The following DCX variants were observed in gnomAD, a reference collection of about 807,000 sequenced individuals.
DCX encodes doublecortin.
In DCX, 4 loss-of-function variants were observed where a neutral mutation model predicts 20.9. The observed-to-expected ratio is 0.19, with a 90% confidence interval of 0.09 to 0.44. DCX has a LOEUF of 0.44. DCX is among the 20% of genes least tolerant of loss of function. The pLI, the probability that DCX is intolerant of heterozygous loss-of-function variation, is 0.99. For synonymous variants in DCX, 103 were observed against 111.4 expected (o/e 0.92, Z 0.47); for missense variants, 133 against 296.9 (o/e 0.45, Z 4.06).
intron 6 of DCX, among the ~76,000 whole-genome samples, chrX:111,310,110 A>T (rs1297429910): frequency 1.8e-5 from 2 of 112,364 alleles, no homozygotes; most frequent in African/African-American, 6.5e-5. Context: ...AGGCAGGCGG[A>T]TCACGAGGTC....
intron 3 of DCX, among the ~76,000 whole-genome samples, chrX:111,371,993 T>C (rs1332666304): frequency 4.5e-5 from 5 of 110,324 alleles, no homozygotes; most frequent in African/African-American, 1.6e-4. Flanking sequence ...GTCTAATCTA[T>C]TCAGTTATAG....
At chrX:111,345,085 C>A (rs1390543133) in intron 3 of DCX, among the ~76,000 whole-genome samples, 6 of 111,511 alleles carry the variant, frequency 5.4e-5, no homozygotes, top group Non-Finnish European at 9.4e-5. Context: ...AGACATAATA[C>A]CACACATCTA....
intron 5 of DCX, among the ~76,000 whole-genome samples, chrX:111,319,323 A>G (rs1477369051): frequency 9.0e-6 from 1 of 111,509 alleles, no homozygotes; most frequent in Admixed American, 9.5e-5. Flanking sequence ...AGGGATGATG[A>G]TGGTTCACTA....
intron 3 of DCX, among the ~76,000 whole-genome samples, chrX:111,354,304 C>T (rs1923560155): frequency 9.0e-6 from 1 of 111,548 alleles, no homozygotes; most frequent in Non-Finnish European, 1.9e-5. Context: ...TTGAATCACC[C>T]TTTGTATGTA....
chrX:111,342,094 G>A (rs1478729806), intron 3 of DCX, among the ~76,000 whole-genome samples: 1 of 103,391 alleles, frequency 9.7e-6, no homozygotes, highest in Non-Finnish European at 2.0e-5. Flanking sequence ...TGGATAAAGA[G>A]TCAAGACCTA....
intron 5 of DCX, among the ~76,000 whole-genome samples, chrX:111,326,511 C>T (rs939042823): frequency 8.9e-6 from 1 of 111,834 alleles, no homozygotes; most frequent in Non-Finnish European, 1.9e-5. Flanking sequence ...TGTGGCACTG[C>T]ATAAGCTTTT....
chrX:111,405,455 A>G (rs1445751963), intron 2 of DCX, among the ~76,000 whole-genome samples: 1 of 111,845 alleles, frequency 8.9e-6, no homozygotes, highest in Non-Finnish European at 1.9e-5. Flanking sequence ...CTATGGTAAA[A>G]GAACTGGATC....
At position 111,407,381 on chromosome X, in the gene DCX, T is replaced by C. The variant is rs1303185064; in HGVS notation, c.364+2654A>G. ...CATTCCCAGATGGGCAGTTCTAAAA[T>C]ATAAAATAGGAGAGAAAAAGACACA... On this transcript the variant is annotated intron_variant, in intron 2 of 6. Coordinates refer to ENST00000636035, the MANE Select transcript of DCX (RefSeq NM_001195553.2). Among the ~76,000 whole-genome samples, 4 of 111,975 alleles carry C rather than the reference T, an allele frequency of 3.6e-5. No individual in the cohort carries two copies. The East Asian group carries it at 1.1e-3, about 31-fold the overall frequency.
chrX:111,325,784 A>G (rs1354951788), intron 5 of DCX, among the ~76,000 whole-genome samples: 2 of 112,522 alleles, frequency 1.8e-5, no homozygotes, highest in African/African-American at 3.2e-5. Context: ...TCTTGAATGT[A>G]TCATTATATG....
chrX:111,404,856 AGCT>A (rs2147268060), intron 2 of DCX, among the ~76,000 whole-genome samples: 1 of 112,615 alleles, frequency 8.9e-6, no homozygotes, highest in South Asian at 3.7e-4. Context: ...CTGCTGCCAG[AGCT>A]CAGTGCCTCC....
At chrX:111,340,918 T>C (rs1922167999) in intron 3 of DCX, among the ~76,000 whole-genome samples, 1 of 110,982 alleles carries the variant, frequency 9.0e-6, no homozygotes, top group Non-Finnish European at 1.9e-5. Flanking sequence ...GACAAACTCA[T>C]GAAGATGAGA....
intron 5 of DCX, among the ~76,000 whole-genome samples, chrX:111,317,087 A>G (rs1178466799): frequency 8.9e-6 from 1 of 112,384 alleles, no homozygotes; most frequent in East Asian, 2.8e-4. Flanking sequence ...TAAAATTCAT[A>G]TGGAACCAAA....
At chrX:111,351,392 G>A (rs781533704) in intron 3 of DCX, among the ~76,000 whole-genome samples, 1 of 111,755 alleles carries the variant, frequency 8.9e-6, no homozygotes, top group East Asian at 2.8e-4. Context: ...ACAAGCTCAA[G>A]GTAAACAATA....
At chrX:111,407,879 G>T (rs1928335914) in intron 2 of DCX, among the ~76,000 whole-genome samples, 1 of 109,372 alleles carries the variant, frequency 9.1e-6, no homozygotes, top group Non-Finnish European at 1.9e-5. Context: ...ATGGATTTTG[G>T]GGAAATTTTG....
At chrX:111,370,195 C>T (rs771549784) in intron 3 of DCX, among the ~76,000 whole-genome samples, 8 of 111,749 alleles carry the variant, frequency 7.2e-5, no homozygotes, top group African/African-American at 1.6e-4. Flanking sequence ...ACAAGAAACA[C>T]ATTAATATAT....
At position 111,298,294 on chromosome X, in the gene DCX, T is replaced by C. The variant is rs964758123; in HGVS notation, c.*3393A>G. On this transcript the variant is annotated 3_prime_UTR_variant, in exon 7 of 7. Transcript: ENST00000636035. ...TGGAGCAGTGATCTCCTGAATCAGATGGACAAGGCCAGGGACCCCATTGCT... is the reference window on the plus strand; with the variant it reads ...TGGAGCAGTGATCTCCTGAATCAGACGGACAAGGCCAGGGACCCCATTGCT... 4 of 111,715 alleles carry C rather than the reference T, an allele frequency of 3.6e-5. No individual in the cohort carries two copies. The highest frequency in any genetic ancestry group is 7.5e-5 in the Non-Finnish European group (4 of 53,081). 9.2% of individuals were successfully genotyped at this position (111,715 alleles called of 1,213,427 possible).
chrX:111,368,006 G>A (rs1048638051), intron 3 of DCX, among the ~76,000 whole-genome samples: 9 of 111,319 alleles, frequency 8.1e-5, no homozygotes, highest in African/African-American at 2.9e-4. Flanking sequence ...AACATTTCAA[G>A]CCACAGGCTG....
chrX:111,336,533 C>G (rs1215563065), intron 3 of DCX, among the ~76,000 whole-genome samples: 1 of 111,972 alleles, frequency 8.9e-6, no homozygotes, highest in Non-Finnish European at 1.9e-5. Context: ...ACACGGCAGC[C>G]CCCCATCTTT....
chrX:111,396,259 TC>T (rs1004239765), intron 3 of DCX, among the ~76,000 whole-genome samples: 1 of 112,138 alleles, frequency 8.9e-6, no homozygotes, highest in African/African-American at 3.2e-5. Context: ...AGACCTGTAA[TC>T]CCAGATCCAA....
Sources: allele counts gnomAD v4.1 joint callset (sites outside exome capture counted in the v4.1 genomes callset), GRCh38; gene constraint gnomAD v4.1.1; transcripts MANE v1.5; gene names NCBI Gene and HGNC (gene_info 2026-07-23, HGNC 2026-07-21).